Variants in FCHO1 observed in about 807,000 individuals in gnomAD.
FCHO1 encodes the protein F-BAR domain only protein 1.
FCHO1 carries 45 observed loss-of-function variants against 114.4 expected under a neutral mutation model. The observed-to-expected ratio is 0.39, with a 90% CI of 0.31 to 0.50. FCHO1 has a LOEUF of 0.50. Among genes scored for constraint, FCHO1 ranks in the 20% least tolerant of loss-of-function variants. The pLI is 0.77. For missense variants in FCHO1, 1,042 were observed against 1,209.6 expected, an observed-to-expected ratio of 0.86 and a Z score of 2.06; for synonymous variants, 480 against 488.9, an observed-to-expected ratio of 0.98 and a Z score of 0.24.
chr19:17,785,120 T>C lies in FCHO1; in HGVS notation c.2426+196T>C, dbSNP rs577461985. 2.0e-5 allele frequency among the ~76,000 whole-genome samples: 3 copies of C among 152,292 alleles called. No homozygotes were observed. In the South Asian group the frequency reaches 6.2e-4, roughly 32 times the overall value. On this transcript the variant is annotated intron_variant, in intron 26 of 28. Transcript: ENST00000596536. ...CTGTAATTGCAGTGCTTTGGGAGGC[T>C]GAGGTGGGAGGATCACTTAAGGCCA...
Position 17,784,033 on chromosome 19 carries a change from T to A in FCHO1, c.2094-70T>A, listed in dbSNP as rs1325474211. 1 of 1,549,110 alleles carries A rather than the reference T, an allele frequency of 6.5e-7. No homozygotes were observed. The highest frequency in any genetic ancestry group is 8.8e-7 in the Non-Finnish European group (1 of 1,136,248). On this transcript the variant is annotated intron_variant, in intron 24 of 28. Coordinates refer to ENST00000596536, the MANE Select transcript of FCHO1 (RefSeq NM_015122.3). This position sits in a 1 kb window ranked among gnomAD's most constrained non-coding sequence, Gnocchi z 5.3. The stretch of plus-strand genomic sequence containing the variant: ...AGGAAATTGCATCTTTAGGAAGGGG[T>A]AGATTGAATGCTGGGAGCCCTGGGA...
chr19:17,784,698 C>T lies in FCHO1; in HGVS notation c.2227-27C>T. On this transcript the variant is annotated intron_variant, in intron 25 of 28. Transcript: ENST00000596536. The surrounding 1 kb of genome is among the most constrained non-coding windows in gnomAD (Gnocchi z 5.3). ...CAAGACAGGATGGCCCAAGCTGTGT[C>T]CTCTCTCTCATTCTCATTCTTCCTA... is the stretch of plus-strand genomic sequence containing the variant. 4 of 1,606,286 alleles carry T rather than the reference C, an allele frequency of 2.5e-6. No individual in the cohort carries two copies. Among genetic ancestry groups the T allele is most frequent in the Non-Finnish European group, 3.4e-6 (4 of 1,173,610 alleles).
intron 4 of FCHO1, among the ~76,000 whole-genome samples, chr19:17,761,969 T>TTTCTTTCATTCATTCATTCATTCA (rs1555717282): frequency 6.8e-6 from 1 of 148,114 alleles, no homozygotes; most frequent in African/African-American, 2.5e-5. Context: ...TTTATTTTTA[T>TTTCTTTCATTCATTCATTCATTCA]TTCATTCATT....
At position 17,783,440 on chromosome 19, in the gene FCHO1, C is replaced by T. The variant is rs375638284; in HGVS notation, c.2093+268C>T. 1.4e-4 allele frequency among the ~76,000 whole-genome samples: 21 copies of T among 150,928 alleles called. 1 individual carries two copies. In the South Asian group the frequency reaches 4.2e-3, roughly 30 times the overall value. ...GCCACTACACCCAGCTAATTTCTTT[C>T]GTATTTTAGTAGAGACAGGGTTTCA... On this transcript the variant is annotated intron_variant, in intron 24 of 28. Transcript: ENST00000596536.
At chr19:17,787,400 G>C (rs1383174841) in intron 27 of FCHO1, among the ~76,000 whole-genome samples, 1 of 145,450 alleles carries the variant, frequency 6.9e-6, no homozygotes, top group Non-Finnish European at 1.5e-5. Flanking sequence ...AACAGAGCCA[G>C]ACCCTGTCTC....
At chr19:17,771,043 C>T (rs566248522) in intron 9 of FCHO1, 147 bp downstream of exon 9, 59 of 616,880 alleles carry the variant, frequency 9.6e-5, no homozygotes, top group Non-Finnish European at 1.5e-4. Context: ...CACCTGAGGT[C>T]AGGAGTTTGA....
chr19:17,756,028 G>A (rs1166249235), intron 4 of FCHO1, among the ~76,000 whole-genome samples: 1 of 152,192 alleles, frequency 6.6e-6, no homozygotes, highest in African/African-American at 2.4e-5. Context: ...GGGCCCAGGA[G>A]TCAGGGAAGG....
chr19:17,750,755 A>G (rs73518376), upstream of FCHO1, among the ~76,000 whole-genome samples: 4,061 of 152,004 alleles, frequency 0.027, 164 homozygotes, highest in African/African-American at 0.092. Flanking sequence ...CACCACCTAA[A>G]ATATAATTTT....
At chr19:17,779,807 T>C (rs1184097972) in intron 20 of FCHO1, among the ~76,000 whole-genome samples, 2 of 151,324 alleles carry the variant, frequency 1.3e-5, no homozygotes, top group Non-Finnish European at 2.9e-5. Flanking sequence ...AGGTGCACAG[T>C]GGACCCTGAG....
intron 24 of FCHO1, 54 bp downstream of exon 24, chr19:17,783,226 T>C: frequency 6.4e-7 from 1 of 1,551,890 alleles, no homozygotes; most frequent in Non-Finnish European, 8.7e-7. Context: ...GGATCAGGCT[T>C]CCGGACTCTG....
Position 17,775,227 on chromosome 19 carries a change from C to A in FCHO1, c.945+147C>A. 1.1e-6 allele frequency: 1 copy of A among 944,176 alleles called. No homozygotes were observed. Among genetic ancestry groups the A allele is most frequent in the Non-Finnish European group, 1.6e-6 (1 of 618,754 alleles). 58.5% of individuals were successfully genotyped at this position (944,176 alleles called of 1,614,324 possible). On this transcript the variant is annotated intron_variant, in intron 14 of 28. Transcript: ENST00000596536. The surrounding 1 kb of genome is among the most constrained non-coding windows in gnomAD (Gnocchi z 5.1). The stretch of plus-strand genomic sequence containing the variant: ...GCCTGGGGGCTGGGTTCATATCCCA[C>A]CTCAGCTGCAAAGTCCCATGGACTA...
At chr19:17,774,978 T>C (rs1309139812) in intron 13 of FCHO1, 78 bp from the exon 14 acceptor site, 28 of 1,518,754 alleles carry the variant, frequency 1.8e-5, no homozygotes, top group Admixed American at 8.4e-5. Flanking sequence ...CCAGCTTCCA[T>C]GTCCAGTGTT....
intron 4 of FCHO1, 30 bp from the exon 5 acceptor site, chr19:17,762,732 T>A: frequency 3.3e-6 from 5 of 1,525,134 alleles, no homozygotes; most frequent in Non-Finnish European, 4.6e-6. Flanking sequence ...CTCTCCATCC[T>A]TTCTCAATCT....
At position 17,776,217 on chromosome 19, in the gene FCHO1, C is replaced by T. The variant is rs748770641; in HGVS notation, c.1183-30C>T. The T allele has an allele frequency of 2.6e-5, 42 of 1,613,876 alleles. No homozygotes were observed. Among genetic ancestry groups the T allele is most frequent in the East Asian group, 1.3e-4 (6 of 44,870 alleles). On this transcript the variant is annotated intron_variant, in intron 16 of 28. Transcript: ENST00000596536. This position sits in a 1 kb window ranked among gnomAD's most constrained non-coding sequence, Gnocchi z 4.4. Reference sequence around the variant, plus strand: ...GCTAGAGAGGCTGGCTGGATGCATTCGTGTGTGATGTTGCCCACTTTGTCC... The same window carrying T: ...GCTAGAGAGGCTGGCTGGATGCATTTGTGTGTGATGTTGCCCACTTTGTCC...
At chr19:17,757,915 CAA>C (rs71162192) in intron 4 of FCHO1, among the ~76,000 whole-genome samples, 24,222 of 77,242 alleles carry the variant, frequency 0.31, 2,594 homozygotes, top group Non-Finnish European at 0.38. Context: ...GACCCTGTCT[CAA>C]AAAAAAAAAA....
chr19:17,779,692 G>A (rs548403471), intron 20 of FCHO1, among the ~76,000 whole-genome samples: 1 of 127,950 alleles, frequency 7.8e-6, no homozygotes, highest in Non-Finnish European at 1.7e-5. Flanking sequence ...ACAGTCAAGG[G>A]AGGGAGGAGG....
rs2092440534 is a variant in FCHO1 at position 17,775,149 on chromosome 19, G to T, written c.945+69G>T. On this transcript the variant is annotated intron_variant, in intron 14 of 28. Transcript: ENST00000596536. This position sits in a 1 kb window ranked among gnomAD's most constrained non-coding sequence, Gnocchi z 5.1. ...AGTTTGATCCCACTCTTGGCTCCTA[G>T]AGTCCCGATCCCTACTGGAAACTAA... 6.5e-7 allele frequency: 1 copy of T among 1,529,634 alleles called. No homozygotes were observed. Among genetic ancestry groups the T allele is most frequent in the Non-Finnish European group, 9.0e-7 (1 of 1,116,758 alleles). 94.8% of individuals were successfully genotyped at this position (1,529,634 alleles called of 1,614,324 possible). A position where few individuals can be genotyped will look rare whatever the true frequency, so the allele number is the denominator to read the frequency against.
chr19:17,764,993 G>C (rs933151390), intron 6 of FCHO1, among the ~76,000 whole-genome samples: 1 of 151,632 alleles, frequency 6.6e-6, no homozygotes, highest in Non-Finnish European at 1.5e-5. Context: ...GAACCCAGGA[G>C]GCGGAGGTTG....
rs117245024 is a variant in FCHO1, at chr19:17,762,730, C to T, written c.28-32C>T. The T allele has an allele frequency of 5.5e-3, 8,241 of 1,503,916 alleles. 39 individuals are homozygous for T. The highest frequency in any genetic ancestry group is 6.7e-3 in the Non-Finnish European group (7,233 of 1,079,330). 93.2% of individuals were successfully genotyped at this position (1,503,916 alleles called of 1,614,324 possible). On this transcript the variant is annotated intron_variant, in intron 4 of 28. Transcript: ENST00000596536. ...TAAGCAACTATGATGTTCTCTCCAT[C>T]CTTTCTCAATCTCTATTCCCATCCC...
Sources: gnomAD v4.1 joint callset for allele counts (sites outside exome capture counted in the v4.1 genomes callset) on GRCh38, gnomAD v4.1.1 for gene constraint, Gnocchi (gnomAD v3.1) non-coding constraint, MANE v1.5 for transcripts, NCBI Gene and HGNC (gene_info 2026-07-23, HGNC 2026-07-21) for gene names.